Variants in SSBP2 observed in about 807,000 individuals in gnomAD.
The protein encoded by SSBP2 is single stranded DNA binding protein 2, also known as single-stranded DNA-binding protein 2.
Under a neutral mutation model 61.8 loss-of-function variants are expected in SSBP2, and 17 were observed. The ratio of observed to expected loss-of-function variants is 0.28; its 90% CI spans 0.19 to 0.41. SSBP2 has a LOEUF of 0.41. Ranked by LOEUF, SSBP2 falls within the 10% of genes least tolerant of loss-of-function variation. The probability of loss-of-function intolerance (pLI) is 1.00; values close to 1 mark genes in which losing one functional copy is unlikely to be tolerated. For synonymous variants in SSBP2, 139 were observed against 141.3 expected, an observed-to-expected ratio of 0.98 and a Z score of 0.12; for missense variants, 310 against 458.7, an observed-to-expected ratio of 0.68 and a Z score of 2.96.
At chr5:81,629,604 T>C (rs2153654049) in intron 3 of SSBP2, among the ~76,000 whole-genome samples, 1 of 152,350 alleles carries the variant, frequency 6.6e-6, no homozygotes, top group Middle Eastern at 3.4e-3. Context: ...ACTTTCTCTA[T>C]GATGCCTTTT....
intron 2 of SSBP2, among the ~76,000 whole-genome samples, chr5:81,645,756 G>T (rs1309219470): frequency 1.3e-5 from 2 of 152,006 alleles, no homozygotes; most frequent in Non-Finnish European, 2.9e-5. Context: ...GCTTTGTATT[G>T]AGAATATCTC....
At chr5:81,560,476 G>C (rs188458996) in intron 4 of SSBP2, among the ~76,000 whole-genome samples, 3 of 152,170 alleles carry the variant, frequency 2.0e-5, no homozygotes, top group South Asian at 4.1e-4. Flanking sequence ...TCAGTTTGTA[G>C]GGAAAGTGGG....
At chr5:81,472,838 T>G (rs1373693631) in intron 8 of SSBP2, among the ~76,000 whole-genome samples, 1 of 152,216 alleles carries the variant, frequency 6.6e-6, no homozygotes, top group African/African-American at 2.4e-5. Context: ...TGACCTCAAG[T>G]GATCCACCTG....
At chr5:81,556,148 AC>A (rs1772580202) in intron 4 of SSBP2, among the ~76,000 whole-genome samples, 2 of 152,034 alleles carry the variant, frequency 1.3e-5, no homozygotes, top group South Asian at 4.1e-4. Context: ...AATTACTATC[AC>A]CCCTGCAGAA....
chr5:81,632,574 G>C (rs1353096179), intron 3 of SSBP2, among the ~76,000 whole-genome samples: 1 of 152,038 alleles, frequency 6.6e-6, no homozygotes, highest in Non-Finnish European at 1.5e-5. Context: ...ATCTCCTCTT[G>C]CCACAAGGGT....
intron 1 of SSBP2, among the ~76,000 whole-genome samples, chr5:81,739,223 T>C (rs1026753196): frequency 6.0e-5 from 9 of 150,548 alleles, no homozygotes; most frequent in Non-Finnish European, 1.0e-4. Flanking sequence ...CAAGTTGTCA[T>C]TTAAGGCTGT....
intron 1 of SSBP2, among the ~76,000 whole-genome samples, chr5:81,711,412 T>G (rs1289765769): frequency 6.6e-6 from 1 of 152,090 alleles, no homozygotes; most frequent in East Asian, 1.9e-4. Context: ...AGCTCATCGC[T>G]TTGCCAGAAA....
intron 6 of SSBP2, among the ~76,000 whole-genome samples, chr5:81,487,896 G>C (rs975427523): frequency 2.9e-4 from 44 of 150,314 alleles, no homozygotes; most frequent in African/African-American, 1.0e-3. Context: ...TTACATATAA[G>C]TGAGATCATG....
chr5:81,679,455 T>C (rs982409503), intron 1 of SSBP2, among the ~76,000 whole-genome samples: 1 of 152,196 alleles, frequency 6.6e-6, no homozygotes, highest in Non-Finnish European at 1.5e-5. Flanking sequence ...GAGGAAGGAA[T>C]TAGTAATATT....
rs760783246 is a variant in SSBP2, at chr5:81,424,591, C to T, written c.1056+3994G>A. ...TATGCCTGGGTGTCTACATATGCAA[C>T]GTGCTATTTACACTCCTGAGGCTGT... On this transcript the variant is annotated intron_variant, in intron 16 of 16. Transcript: ENST00000320672. Among the ~76,000 whole-genome samples the T allele has an allele frequency of 4.5e-4, 69 of 152,200 alleles. 2 individuals are homozygous for T. Among genetic ancestry groups the T allele is most frequent in the Admixed American group, 3.9e-4 (6 of 15,280 alleles).
intron 12 of SSBP2, among the ~76,000 whole-genome samples, chr5:81,446,569 A>G (rs566840397): frequency 6.6e-6 from 1 of 152,122 alleles, no homozygotes; most frequent in Non-Finnish European, 1.5e-5. Context: ...ATTGTAGAAG[A>G]TTTGGTTAGT....
At chr5:81,496,430 T>C (rs890612443) in intron 5 of SSBP2, among the ~76,000 whole-genome samples, 1 of 152,168 alleles carries the variant, frequency 6.6e-6, no homozygotes, top group African/African-American at 2.4e-5. Context: ...TCCGCCTGCC[T>C]AGGCCTCCCA....
chr5:81,478,738 T>C (rs1447466868), intron 6 of SSBP2, among the ~76,000 whole-genome samples: 1 of 152,222 alleles, frequency 6.6e-6, no homozygotes, highest in Admixed American at 6.6e-5. Flanking sequence ...CCCAAAGCGC[T>C]GGGATTATAG....
At chr5:81,614,359 C>CAAAA (rs10659647) in intron 4 of SSBP2, among the ~76,000 whole-genome samples, 6,140 of 73,478 alleles carry the variant, frequency 0.084, 687 homozygotes, top group Non-Finnish European at 0.1. Flanking sequence ...GACTCCGTCT[C>CAAAA]AAAAAAAAAA....
chr5:81,542,187 G>A (rs1189356398), intron 4 of SSBP2, among the ~76,000 whole-genome samples: 6 of 152,156 alleles, frequency 3.9e-5, no homozygotes, highest in Non-Finnish European at 2.9e-5. Flanking sequence ...CTAATAATCA[G>A]AGAAATGCAA....
At chr5:81,749,572 C>A (rs182656549) in intron 1 of SSBP2, among the ~76,000 whole-genome samples, 90 of 152,198 alleles carry the variant, frequency 5.9e-4, no homozygotes, top group African/African-American at 2.0e-3. Context: ...TGGTCTGAAC[C>A]CCCTCAGAAA....
intron 1 of SSBP2, among the ~76,000 whole-genome samples, chr5:81,698,641 G>A (rs1753755675): frequency 6.6e-6 from 1 of 152,002 alleles, no homozygotes; most frequent in South Asian, 2.1e-4. Flanking sequence ...GTAAAACCCT[G>A]TCTCTACTAA....
chr5:81,708,941 AT>A (rs1344927518), intron 1 of SSBP2, among the ~76,000 whole-genome samples: 2 of 151,946 alleles, frequency 1.3e-5, no homozygotes, highest in Non-Finnish European at 2.9e-5. Context: ...TTGTGATTAC[AT>A]TTTTTTACAA....
chr5:81,678,792 G>A (rs995872627), intron 1 of SSBP2, among the ~76,000 whole-genome samples: 3 of 151,916 alleles, frequency 2.0e-5, no homozygotes, highest in African/African-American at 4.8e-5. Flanking sequence ...ATAAAAGAAC[G>A]CCAAACCTAG....
Sources: allele counts gnomAD v4.1 joint callset (sites outside exome capture counted in the v4.1 genomes callset), GRCh38; gene constraint gnomAD v4.1.1; transcripts MANE v1.5; gene names NCBI Gene and HGNC (gene_info 2026-07-23, HGNC 2026-07-21).